The following FOXP1 variants were observed in gnomAD, a reference collection of about 807,000 sequenced individuals.
FOXP1 encodes the protein forkhead box protein P1.
A neutral mutation model predicts 98.2 loss-of-function variants in FOXP1; 15 were observed. The observed-to-expected ratio is 0.15, with a 90% CI of 0.10 to 0.24. FOXP1 has a LOEUF of 0.24. FOXP1 is among the 10% of genes least tolerant of loss of function. The pLI is 1.00. For synonymous variants in FOXP1, 371 were observed against 314.5 expected (o/e 1.18, Z -1.90); for missense variants, 633 against 848.5 (o/e 0.75, Z 3.15).
chr3:71,130,646 G>A (rs770834629), intron 6 of FOXP1: 17 of 1,597,378 alleles, frequency 1.1e-5, no homozygotes, highest in Middle Eastern at 1.6e-4. Flanking sequence ...AGTACTGTGC[G>A]GCTGAAGCAC....
intron 12 of FOXP1, among the ~76,000 whole-genome samples, chr3:71,002,643 T>C (rs138104398): frequency 3.3e-5 from 5 of 152,272 alleles, no homozygotes; most frequent in African/African-American, 1.2e-4. Context: ...ATGCAAAAGT[T>C]TTAGCCTATG....
chr3:71,087,944 A>G (rs757753987), intron 7 of FOXP1, among the ~76,000 whole-genome samples: 1 of 152,240 alleles, frequency 6.6e-6, no homozygotes, highest in Non-Finnish European at 1.5e-5. Context: ...AAGGGGAAAT[A>G]CACACTAGAC....
chr3:71,044,009 T>G (rs377719742), intron 10 of FOXP1, among the ~76,000 whole-genome samples: 1 of 152,210 alleles, frequency 6.6e-6, no homozygotes, highest in Non-Finnish European at 1.5e-5. Flanking sequence ...TGATAATTAC[T>G]TTTAAGAACA....
chr3:71,144,060 A>G (rs143362223), intron 6 of FOXP1, among the ~76,000 whole-genome samples: 6 of 152,352 alleles, frequency 3.9e-5, no homozygotes, highest in African/African-American at 1.4e-4. Flanking sequence ...AAAAAAGTAT[A>G]CAAGTCTTAA....
chr3:71,560,531 T>G (rs888995795), intron 2 of FOXP1, among the ~76,000 whole-genome samples: 1 of 152,172 alleles, frequency 6.6e-6, no homozygotes, highest in African/African-American at 2.4e-5. Flanking sequence ...AGGTAGCATA[T>G]GGCCCAGTCA....
chr3:71,325,649 GTATTATTATTATTAT>G (rs10575337), intron 4 of FOXP1, among the ~76,000 whole-genome samples: 1 of 148,022 alleles, frequency 6.8e-6, no homozygotes, highest in Non-Finnish European at 1.5e-5. Flanking sequence ...TCCTACAAAT[GTATTATTATTATTAT>G]TATTATTATT....
chr3:71,345,163 G>A lies in FOXP1; in HGVS notation c.-73+13987C>T, dbSNP rs188395195. Among the ~76,000 whole-genome samples, 483 of 152,248 alleles carry A rather than the reference G, an allele frequency of 3.2e-3. 4 individuals carry two copies. Among genetic ancestry groups the A allele is most frequent in the Non-Finnish European group, 4.0e-3 (271 of 68,016 alleles). On this transcript the variant is annotated intron_variant, in intron 4 of 20. Coordinates refer to ENST00000649528, the MANE Select transcript of FOXP1 (RefSeq NM_001349338.3). ...CCAGCACTTTGGGAGGCCAAGGCAG[G>A]CAGATCTCAAAGTCAGGAGATCGAG...
intron 2 of FOXP1, among the ~76,000 whole-genome samples, chr3:71,496,152 C>G (rs2091391023): frequency 6.6e-6 from 1 of 152,124 alleles, no homozygotes; most frequent in Non-Finnish European, 1.5e-5. Context: ...TTAAACAAAA[C>G]AAACATGTTG....
At chr3:71,051,125 GCA>G (rs1204381720) in intron 9 of FOXP1, among the ~76,000 whole-genome samples, 1 of 152,178 alleles carries the variant, frequency 6.6e-6, no homozygotes, top group Admixed American at 6.5e-5. Flanking sequence ...AGAGCCTTCT[GCA>G]CAGTGATATC....
intron 5 of FOXP1, among the ~76,000 whole-genome samples, chr3:71,218,852 G>A (rs952967596): frequency 2.0e-5 from 3 of 152,128 alleles, no homozygotes; most frequent in Admixed American, 1.3e-4. Context: ...ACTCATGCCT[G>A]TATCCTGGTG....
At chr3:71,105,832 G>A (rs1030828983) in intron 7 of FOXP1, among the ~76,000 whole-genome samples, 7 of 152,082 alleles carry the variant, frequency 4.6e-5, no homozygotes, top group Admixed American at 6.5e-5. Flanking sequence ...TAATTATGCA[G>A]ATCTGAGTCC....
chr3:71,346,907 G>T (rs1378286961), intron 4 of FOXP1, among the ~76,000 whole-genome samples: 1 of 152,088 alleles, frequency 6.6e-6, no homozygotes, highest in Non-Finnish European at 1.5e-5. Context: ...GCTGGGCGTG[G>T]TGGCACGCAC....
chr3:71,148,147 C>G (rs1222238125), intron 6 of FOXP1, among the ~76,000 whole-genome samples: 1 of 152,182 alleles, frequency 6.6e-6, no homozygotes, highest in Non-Finnish European at 1.5e-5. Flanking sequence ...GAGGCCGAGG[C>G]AGGCAGATCA....
At chr3:71,307,038 G>C (rs2074331850) in intron 4 of FOXP1, among the ~76,000 whole-genome samples, 1 of 152,046 alleles carries the variant, frequency 6.6e-6, no homozygotes, top group South Asian at 2.1e-4. Context: ...GCTACATGTT[G>C]GTCTTAGTAA....
At chr3:71,319,638 CAG>C (rs2075282015) in intron 4 of FOXP1, among the ~76,000 whole-genome samples, 1 of 152,126 alleles carries the variant, frequency 6.6e-6, no homozygotes, top group South Asian at 2.1e-4. Flanking sequence ...AAACATCCTG[CAG>C]CCCACACCAT....
At chr3:71,393,165 T>C (rs1244212066) in intron 3 of FOXP1, among the ~76,000 whole-genome samples, 1 of 152,176 alleles carries the variant, frequency 6.6e-6, no homozygotes, top group African/African-American at 2.4e-5. Flanking sequence ...AACCTTAGAA[T>C]TGGGTTTAGA....
intron 3 of FOXP1, among the ~76,000 whole-genome samples, chr3:71,381,669 C>A (rs1032266864): frequency 2.0e-5 from 3 of 152,056 alleles, no homozygotes; most frequent in Non-Finnish European, 4.4e-5. Flanking sequence ...GTCTCAAACT[C>A]CTGGGCTCAA....
chr3:71,564,276 C>T (rs927540407), intron 2 of FOXP1, among the ~76,000 whole-genome samples: 1 of 152,186 alleles, frequency 6.6e-6, no homozygotes, highest in African/African-American at 2.4e-5. Flanking sequence ...CCGTTATCTG[C>T]CTTGGCTATT....
rs747670038 is a variant in FOXP1 at position 71,169,201 on chromosome 3, C to T, written c.180+29001G>A. 6.0e-4 allele frequency among the ~76,000 whole-genome samples: 91 copies of T among 152,286 alleles called. 1 individual carries two copies. Among genetic ancestry groups the T allele is most frequent in the African/African-American group, 1.5e-3 (62 of 41,558 alleles). On this transcript the variant is annotated intron_variant, in intron 6 of 20. Coordinates refer to ENST00000649528, the MANE Select transcript of FOXP1 (RefSeq NM_001349338.3). ...TTTACAGTGTCTCCATCACAGTGGA[C>T]GCCTGTCAGCTGCACTCTTGCTAAC...
Sources: allele counts gnomAD v4.1 joint callset (sites outside exome capture counted in the v4.1 genomes callset), GRCh38; gene constraint gnomAD v4.1.1; transcripts MANE v1.5; gene names NCBI Gene and HGNC (gene_info 2026-07-23, HGNC 2026-07-21).